The following TRIM9 variants were observed in gnomAD, a reference collection of about 807,000 sequenced individuals.
TRIM9 encodes tripartite motif containing 9.
A neutral mutation model predicts 78.3 loss-of-function variants in TRIM9; 26 were observed. The ratio of observed to expected loss-of-function variants is 0.33; its 90% CI spans 0.24 to 0.46. The LOEUF (loss-of-function observed/expected upper bound fraction) is 0.46, where lower values mean the gene tolerates loss of function less well. TRIM9 is among the 20% of genes least tolerant of loss of function. The probability of loss-of-function intolerance (pLI) is 1.00; values close to 1 mark genes in which losing one functional copy is unlikely to be tolerated. For missense variants in TRIM9, 787 were observed against 1,036.4 expected (o/e 0.76, Z 3.30); for synonymous variants, 398 against 416.5 (o/e 0.96, Z 0.54).
chr14:51,094,586 G>T lies in TRIM9; in HGVS notation c.354C>A (p.Ala118=), dbSNP rs1218809781. 3.7e-6 allele frequency: 6 copies of T among 1,611,164 alleles called. No individual in the cohort carries two copies. The highest frequency in any genetic ancestry group is 5.1e-6 in the Non-Finnish European group (6 of 1,178,864). The change falls in exon 1 of 13, where the codon GCC becomes GCA. Residue 118 remains alanine (A), a synonymous_variant. Transcript: ENST00000684578. ...PPATHLSPAL[A]PVPRNSCITC... is the part of the protein sequence containing the mutation. ...TGATACAGGAGTTGCGGGGCACCGG[G>T]GCCAGGGCCGGTGACAAGTGGGTGG...
Position 50,981,960 on chromosome 14 carries a change from G to A in TRIM9, c.2002C>T (p.Leu668Phe). Residue 668 changes from leucine (L) to phenylalanine (F), a missense_variant, in exon 11 of 13, where the codon CTC becomes TTC. Coordinates refer to ENST00000684578, the MANE Select transcript of TRIM9 (RefSeq NM_001387360.1). ...TGGTTGTCATAGCGATCTACCGTGA[G>A]CTCCCAGTAGTGGATGCCCTTGGAG... ...GFSKGIHYWELTVDRYDNHPD... is the reference protein window; with the variant it reads ...GFSKGIHYWEFTVDRYDNHPD... 6.2e-7 allele frequency: 1 copy of A among 1,614,192 alleles called. No homozygotes were observed. Among genetic ancestry groups the A allele is most frequent in the Non-Finnish European group, 8.5e-7 (1 of 1,180,028 alleles).
chr14:51,083,088 G>C (rs552124636), intron 1 of TRIM9, among the ~76,000 whole-genome samples: 1 of 152,282 alleles, frequency 6.6e-6, no homozygotes, highest in African/African-American at 2.4e-5. Flanking sequence ...TCAGTGCCTA[G>C]ACCACTATGT....
chr14:51,059,154 C>T (rs2061134450), intron 1 of TRIM9, among the ~76,000 whole-genome samples: 1 of 152,156 alleles, frequency 6.6e-6, no homozygotes, highest in African/African-American at 2.4e-5. Context: ...TTCTTTCCTC[C>T]AAGGAGGGAA....
intron 1 of TRIM9, among the ~76,000 whole-genome samples, chr14:51,069,438 A>C (rs2062024893): frequency 6.6e-6 from 1 of 152,168 alleles, no homozygotes; most frequent in South Asian, 2.1e-4. Context: ...AATACAGTTC[A>C]ACATCCTACA....
chr14:51,020,276 G>A (rs1183170504), intron 3 of TRIM9, among the ~76,000 whole-genome samples: 1 of 152,196 alleles, frequency 6.6e-6, no homozygotes, highest in Non-Finnish European at 1.5e-5. Flanking sequence ...GGAGAGGAGA[G>A]CGAGCGAGCC....
At chr14:50,984,100 T>C (rs977900279) in intron 8 of TRIM9, among the ~76,000 whole-genome samples, 1 of 152,132 alleles carries the variant, frequency 6.6e-6, no homozygotes, top group African/African-American at 2.4e-5. Context: ...TTTGGATACC[T>C]GTACCCCATG....
intron 1 of TRIM9, among the ~76,000 whole-genome samples, chr14:51,063,976 C>T: frequency 6.6e-6 from 1 of 151,962 alleles, no homozygotes; most frequent in East Asian, 1.9e-4. Context: ...TAGTTTCCCT[C>T]CTTAATTTAT....
At position 50,976,627 on chromosome 14, in the gene TRIM9, C is replaced by T. The variant is rs2051108547; in HGVS notation, c.*664G>A. 6.6e-6 allele frequency: 1 copy of T among 152,610 alleles called. No homozygotes were observed. The allele number at this position is 152,610 out of a possible 1,614,324, so 9.5% of individuals were successfully genotyped here. On this transcript the variant is annotated 3_prime_UTR_variant, in exon 13 of 13. Transcript: ENST00000684578. ...GAGACTTTCCAATTTTATACAGTGGCCAGGGTTCTGGCCTATCCTAATTAT... is the reference window on the plus strand; with the variant it reads ...GAGACTTTCCAATTTTATACAGTGGTCAGGGTTCTGGCCTATCCTAATTAT...
chr14:50,982,159 C>A, intron 10 of TRIM9, 56 bp from the exon 11 acceptor site: 2 of 1,585,954 alleles, frequency 1.3e-6, no homozygotes, highest in South Asian at 2.3e-5. Flanking sequence ...AGCTCAGCAC[C>A]ATAACATACT....
chr14:51,048,575 G>C (rs1420667944), intron 1 of TRIM9, among the ~76,000 whole-genome samples: 3 of 46,988 alleles, frequency 6.4e-5, no homozygotes, highest in African/African-American at 2.5e-4. Context: ...GGGGATCCTA[G>C]GCACATAAAC....
At chr14:51,005,402 G>A (rs761467798) in intron 5 of TRIM9, among the ~76,000 whole-genome samples, 63 of 152,190 alleles carry the variant, frequency 4.1e-4, no homozygotes, top group Non-Finnish European at 7.6e-4. Flanking sequence ...TTGGTGAACT[G>A]TTAGGTCATT....
intron 7 of TRIM9, among the ~76,000 whole-genome samples, chr14:50,989,669 C>T (rs2053227401): frequency 1.3e-5 from 2 of 152,154 alleles, no homozygotes; most frequent in African/African-American, 4.8e-5. Context: ...AGCAGTTTAG[C>T]AGGAAAGAGC....
chr14:51,053,159 CAAAA>C (rs34525509), intron 1 of TRIM9, among the ~76,000 whole-genome samples: 1 of 133,534 alleles, frequency 7.5e-6, no homozygotes, highest in Non-Finnish European at 1.6e-5. Context: ...GACCCTGTTT[CAAAA>C]AAAAAAAAAA....
intron 2 of TRIM9, among the ~76,000 whole-genome samples, chr14:51,024,885 T>C (rs1392276726): frequency 6.6e-6 from 1 of 152,136 alleles, no homozygotes; most frequent in Non-Finnish European, 1.5e-5. Flanking sequence ...TGTGGCCTGT[T>C]ACCATTAAAT....
intron 1 of TRIM9, among the ~76,000 whole-genome samples, chr14:51,077,755 G>T (rs1404168789): frequency 1.3e-5 from 2 of 152,142 alleles, no homozygotes; most frequent in Non-Finnish European, 2.9e-5. Context: ...AAAAGACACG[G>T]ATATGAAATC....
intron 8 of TRIM9, among the ~76,000 whole-genome samples, chr14:50,985,566 T>C (rs923807411): frequency 3.3e-5 from 5 of 152,210 alleles, no homozygotes; most frequent in Admixed American, 6.5e-5. Flanking sequence ...CAGACACTGC[T>C]GGTTTCCTGG....
rs914882537 is a variant in TRIM9, at chr14:50,981,718, T to C, written c.2162+82A>G. 5.1e-6 allele frequency: 8 copies of C among 1,556,572 alleles called. No homozygotes were observed. The African/African-American group carries it at 9.5e-5, about 18-fold the overall frequency. ...TGTTTGATTTCCTGAATGTGGTCTATGTAATAGGTTTTTGAACTGGGGCTC... is the reference window on the plus strand; with the variant it reads ...TGTTTGATTTCCTGAATGTGGTCTACGTAATAGGTTTTTGAACTGGGGCTC... On this transcript the variant is annotated intron_variant, in intron 11 of 12. Coordinates refer to ENST00000684578, the MANE Select transcript of TRIM9 (RefSeq NM_001387360.1).
At chr14:50,993,067 G>A (rs1045123299) in intron 7 of TRIM9, among the ~76,000 whole-genome samples, 10 of 152,118 alleles carry the variant, frequency 6.6e-5, no homozygotes, top group Non-Finnish European at 1.3e-4. Flanking sequence ...GGCTCTGAGT[G>A]CCAGACCTCA....
chr14:51,052,045 A>T (rs970768429), intron 1 of TRIM9, among the ~76,000 whole-genome samples: 2 of 75,928 alleles, frequency 2.6e-5, no homozygotes, highest in Non-Finnish European at 5.8e-5. Flanking sequence ...GAGGGAAAAG[A>T]AGAGAAGAGA....
Sources: gnomAD v4.1 joint callset for allele counts (sites outside exome capture counted in the v4.1 genomes callset) on GRCh38, gnomAD v4.1.1 for gene constraint, MANE v1.5 for transcripts, NCBI Gene and HGNC (gene_info 2026-07-23, HGNC 2026-07-21) for gene names.